Variants in REPS1 observed in about 807,000 individuals in gnomAD.
REPS1 encodes the protein ralBP1-associated Eps domain-containing protein 1.
A neutral mutation model predicts 100.9 loss-of-function variants in REPS1; 39 were observed. The observed-to-expected ratio is 0.39, with a 90% confidence interval of 0.30 to 0.50. The LOEUF (loss-of-function observed/expected upper bound fraction) is 0.50, where lower values mean the gene tolerates loss of function less well. REPS1 is among the 20% of genes least tolerant of loss of function. The pLI, the probability that REPS1 is intolerant of heterozygous loss-of-function variation, is 0.86. For synonymous variants in REPS1, 324 were observed against 340.3 expected (o/e 0.95, Z 0.53); for missense variants, 821 against 968.5 (o/e 0.85, Z 2.02).
Position 138,988,186 on chromosome 6 carries a change from C to G in REPS1, c.-504G>C. 2.5e-6 allele frequency: 1 copy of G among 398,544 alleles called. No homozygotes were observed. Among genetic ancestry groups the G allele is most frequent in the Admixed American group, 4.4e-5 (1 of 22,718 alleles). The allele number at this position is 398,544 out of a possible 1,614,324, so 24.7% of individuals were successfully genotyped here. A position where few individuals can be genotyped will look rare whatever the true frequency, so the allele number is the denominator to read the frequency against. The stretch of plus-strand genomic sequence containing the variant: ...GGATCTGGGCTGAGCGTGGCCGCCG[C>G]TCCGCCTCCCTCCGCCGCCATTTAC... On this transcript the variant is annotated 5_prime_UTR_variant, in exon 1 of 20. Transcript: ENST00000450536.
intron 4 of REPS1, 137 bp from the exon 5 acceptor site, chr6:138,944,759 C>A: frequency 1.3e-6 from 1 of 740,752 alleles, no homozygotes. Flanking sequence ...AGAAATTATA[C>A]CTCATTTAAA....
At chr6:138,932,107 C>T (rs1482323181) in intron 8 of REPS1, among the ~76,000 whole-genome samples, 2 of 152,122 alleles carry the variant, frequency 1.3e-5, no homozygotes, top group Non-Finnish European at 2.9e-5. Flanking sequence ...CCAAGCTGTA[C>T]CACACCCCCA....
At chr6:138,984,625 T>A (rs1785152733) in intron 1 of REPS1, among the ~76,000 whole-genome samples, 2 of 152,184 alleles carry the variant, frequency 1.3e-5, no homozygotes, top group African/African-American at 4.8e-5. Flanking sequence ...GTCACCTTCA[T>A]TCCCATGTTT....
intron 1 of REPS1, among the ~76,000 whole-genome samples, chr6:138,964,777 A>G (rs1204221515): frequency 2.6e-5 from 4 of 152,092 alleles, no homozygotes; most frequent in Non-Finnish European, 5.9e-5. Flanking sequence ...TTCAGCACAG[A>G]AAGTTCAAAT....
At chr6:138,926,655 C>CT (rs67912312) in intron 9 of REPS1, 174 bp from the exon 10 acceptor site, 1 of 499,134 alleles carries the variant, frequency 2.0e-6, no homozygotes, top group Non-Finnish European at 3.5e-6. Context: ...TTCTGGGTCA[C>CT]TTGTAATGTA....
At chr6:138,924,265 A>G (rs1384689085) in intron 10 of REPS1, among the ~76,000 whole-genome samples, 1 of 152,234 alleles carries the variant, frequency 6.6e-6, no homozygotes, top group Non-Finnish European at 1.5e-5. Context: ...TTAAAATCCA[A>G]TTCAGAGGTC....
intron 1 of REPS1, among the ~76,000 whole-genome samples, chr6:138,949,134 T>A (rs1429293809): frequency 2.0e-5 from 3 of 152,146 alleles, no homozygotes; most frequent in African/African-American, 7.2e-5. Flanking sequence ...TCATTACATA[T>A]CTTAAATACT....
intron 1 of REPS1, among the ~76,000 whole-genome samples, chr6:138,952,757 C>T (rs1253838034): frequency 6.6e-6 from 1 of 151,842 alleles, no homozygotes; most frequent in African/African-American, 2.4e-5. Context: ...AAAGGACAGT[C>T]TCTTCAATAA....
At chr6:138,916,229 T>C (rs971381061) in intron 13 of REPS1, 5 of 316,800 alleles carry the variant, frequency 1.6e-5, no homozygotes, top group African/African-American at 7.1e-5. Flanking sequence ...TTTTTTTTTT[T>C]TTTTTTTTTT....
intron 1 of REPS1, among the ~76,000 whole-genome samples, chr6:138,954,768 C>T (rs1783267476): frequency 6.6e-6 from 1 of 152,118 alleles, no homozygotes; most frequent in Admixed American, 6.5e-5. Flanking sequence ...ATTAGCTATG[C>T]AATATAAATC....
intron 8 of REPS1, among the ~76,000 whole-genome samples, chr6:138,936,578 A>C (rs928130114): frequency 1.3e-4 from 15 of 117,690 alleles, no homozygotes; most frequent in African/African-American, 4.6e-4. Flanking sequence ...CGACAGAGAG[A>C]GACGGCAGGG....
At chr6:138,929,346 A>C (rs1781342980) in intron 9 of REPS1, 1 of 152,196 alleles carries the variant, frequency 6.6e-6, no homozygotes, top group South Asian at 2.1e-4. Flanking sequence ...GATGCTTTAC[A>C]TAATGGAATT....
chr6:138,930,873 C>T (rs1236726671), intron 8 of REPS1, among the ~76,000 whole-genome samples: 2 of 152,132 alleles, frequency 1.3e-5, no homozygotes, highest in East Asian at 1.9e-4. Flanking sequence ...AGTTACAAAT[C>T]CATTATACTA....
intron 2 of REPS1, 45 bp downstream of exon 2, chr6:138,947,745 A>G: frequency 7.0e-7 from 1 of 1,426,546 alleles, no homozygotes. Flanking sequence ...TTCATTTGTA[A>G]TAGAAGCCTA....
chr6:138,965,386 G>C (rs1019296912), intron 1 of REPS1, among the ~76,000 whole-genome samples: 2 of 151,098 alleles, frequency 1.3e-5, no homozygotes, highest in African/African-American at 4.9e-5. Flanking sequence ...AAACAAATAA[G>C]ATTAAAGGTA....
intron 8 of REPS1, among the ~76,000 whole-genome samples, chr6:138,931,648 G>A (rs1165270710): frequency 6.6e-6 from 1 of 152,010 alleles, no homozygotes; most frequent in Non-Finnish European, 1.5e-5. Flanking sequence ...TACAGAAGTA[G>A]GAAGACTTCA....
At chr6:138,938,837 A>G (rs1782039105) in intron 8 of REPS1, among the ~76,000 whole-genome samples, 1 of 145,100 alleles carries the variant, frequency 6.9e-6, no homozygotes, top group African/African-American at 2.5e-5. Context: ...TTAAAAACAC[A>G]GCTATTTTTA....
intron 19 of REPS1, among the ~76,000 whole-genome samples, chr6:138,905,513 G>A (rs1162691656): frequency 2.7e-5 from 4 of 149,762 alleles, no homozygotes; most frequent in Non-Finnish European, 5.9e-5. Context: ...GGATGGTCTC[G>A]ATCTCCTGAC....
In REPS1 at chr6:138,905,117, T is replaced by C. The variant is rs1483951598; in HGVS notation, c.2338A>G (p.Arg780Gly). Residue 780 changes from arginine to glycine, a missense_variant, in exon 20 of 20, where the codon AGA becomes GGA. By Grantham distance (125) the Arg-to-Gly change is moderately radical. Transcript: ENST00000450536. ...QQQLKDVLEE[R>G]ISLEVQLEQL... ...TCCAGTTGAACTTCCAGGGAAATTC[T>C]CTCCTCAAGAACATCCTGAAAAAGA... 1 of 1,612,664 alleles carries C rather than the reference T, an allele frequency of 6.2e-7. No individual in the cohort carries two copies. The highest frequency in any genetic ancestry group is 2.2e-5 in the East Asian group (1 of 44,864).
Sources: gnomAD v4.1 joint callset for allele counts (sites outside exome capture counted in the v4.1 genomes callset) on GRCh38, gnomAD v4.1.1 for gene constraint, MANE v1.5 for transcripts, NCBI Gene and HGNC (gene_info 2026-07-23, HGNC 2026-07-21) for gene names.